The following CSPG4 variants were observed in gnomAD, a reference collection of about 807,000 sequenced individuals.
The protein encoded by CSPG4 is chondroitin sulfate proteoglycan 4, also known as chondroitin sulfate proteoglycan 4 (melanoma-associated).
CSPG4 carries 74 observed loss-of-function variants against 139.3 expected under a neutral mutation model. That is an observed-to-expected ratio of 0.53 (90% CI 0.44 to 0.64). The LOEUF is 0.64. Ranked by LOEUF, CSPG4 falls within the 30% of genes least tolerant of loss-of-function variation. CSPG4 has a pLI of 0.00. For synonymous variants in CSPG4, 1,234 were observed against 1,394.2 expected (o/e 0.89, Z 2.56); for missense variants, 2,565 against 3,148.3 (o/e 0.81, Z 4.43).
At position 75,676,650 on chromosome 15, in the gene CSPG4, C is replaced by A; in HGVS notation, c.5869G>T (p.Gly1957Trp). The change falls in exon 10 of 10, where the codon GGG becomes TGG. Residue 1957 changes from glycine (G) to tryptophan (W), a missense_variant. This residue lies in a region of CSPG4 where 2,316 missense variants were observed against 2,818.2 expected (regional missense o/e 0.82). Coordinates refer to ENST00000308508, the MANE Select transcript of CSPG4 (RefSeq NM_001897.5). ...TGCTGCTGGCTCAGTGAGGAGCGCC[C>A]CAAAGCTTGGGGCACCTCCAGGGGT... ...RAPLEVPQAL[G>W]RSSLSQQQLR... The A allele has an allele frequency of 6.3e-7, 1 of 1,599,770 alleles. No homozygotes were observed. Among genetic ancestry groups the A allele is most frequent in the Non-Finnish European group, 8.5e-7 (1 of 1,172,184 alleles).
At chr15:75,711,686 C>A (rs1335552911) in intron 1 of CSPG4, among the ~76,000 whole-genome samples, 1 of 152,230 alleles carries the variant, frequency 6.6e-6, no homozygotes, top group African/African-American at 2.4e-5. Flanking sequence ...GAGGCTCAGG[C>A]CCTGCCTTTG....
At chr15:75,699,813 C>T (rs1278846368) in intron 1 of CSPG4, among the ~76,000 whole-genome samples, 4 of 152,106 alleles carry the variant, frequency 2.6e-5, no homozygotes, top group Non-Finnish European at 4.4e-5. Context: ...CGGTGGGGAG[C>T]GGTTCCAAGA....
intron 5 of CSPG4, among the ~76,000 whole-genome samples, chr15:75,683,929 C>T (rs977268186): frequency 3.9e-5 from 6 of 152,168 alleles, no homozygotes; most frequent in South Asian, 2.1e-4. Flanking sequence ...GCCACACAGC[C>T]GTCCTGGCCT....
intron 3 of CSPG4, 124 bp from the exon 4 acceptor site, chr15:75,685,825 G>A: frequency 9.5e-7 from 1 of 1,050,774 alleles, no homozygotes; most frequent in Non-Finnish European, 1.3e-6. Context: ...AGATACCACT[G>A]CTCATTTAGA....
Position 75,682,724 on chromosome 15 carries a change from A to T in CSPG4, c.4666T>A (p.Phe1556Ile). 1.2e-6 allele frequency: 2 copies of T among 1,612,924 alleles called. No homozygotes were observed. The highest frequency in any genetic ancestry group is 1.7e-6 in the Non-Finnish European group (2 of 1,180,004). ...TCGCCGTCAGAGAGGCGGAAGCGGAAGCCTCCATCCAGGGTTCCTGGGGAC... is the reference window on the plus strand; with the variant it reads ...TCGCCGTCAGAGAGGCGGAAGCGGATGCCTCCATCCAGGGTTCCTGGGGAC... ...FSHRGTLDGG[F>I]RFRLSDGEHT... The change falls in exon 7 of 10, where the codon TTC (phenylalanine) becomes ATC (isoleucine). Residue 1556 changes from phenylalanine to isoleucine, a missense_variant. Around this residue, in one of 5 missense-constraint regions of CSPG4, gnomAD observed 2,316 missense variants for 2,818.2 expected, o/e 0.82. Transcript: ENST00000308508.
chr15:75,677,580 C>G, intron 9 of CSPG4, 123 bp downstream of exon 9: 2 of 1,274,226 alleles, frequency 1.6e-6, no homozygotes, highest in South Asian at 3.0e-5. Flanking sequence ...ACTCACCCTC[C>G]CTGTGACTTC....
In CSPG4 at chr15:75,683,055, C is replaced by T; in HGVS notation, c.4450-14G>A. The T allele has an allele frequency of 6.2e-7, 1 of 1,606,610 alleles. No homozygotes were observed. The highest frequency in any genetic ancestry group is 8.5e-7 in the Non-Finnish European group (1 of 1,178,758). On this transcript the variant is annotated splice_polypyrimidine_tract_variant and intron_variant, in intron 5 of 9. Transcript: ENST00000308508. ...CCCCTCCCACATCTGGGAACACAGGCCTGTGAAGGTTCTGCCTTGCCGCAC... is the reference window on the plus strand; with the variant it reads ...CCCCTCCCACATCTGGGAACACAGGTCTGTGAAGGTTCTGCCTTGCCGCAC...
intron 2 of CSPG4, 105 bp from the exon 3 acceptor site, chr15:75,690,917 G>C: frequency 3.1e-6 from 4 of 1,290,672 alleles, no homozygotes; most frequent in South Asian, 2.9e-5. Context: ...GCTCATGCCT[G>C]TAATCCTAGC....
At position 75,689,011 on chromosome 15, in the gene CSPG4, T is replaced by G. The variant is rs146383357; in HGVS notation, c.2054A>C (p.Asn685Thr). The change falls in exon 3 of 10, where the codon AAC becomes ACC. Residue 685 changes from asparagine (N) to threonine (T), a missense_variant. Asn to Thr is a moderately conservative substitution (Grantham distance 65). Around this residue, in one of 5 missense-constraint regions of CSPG4, gnomAD observed 2,316 missense variants for 2,818.2 expected, o/e 0.82. Transcript: ENST00000308508. ...QGSAMPILPA[N>T]LSVETNAVGQ... Reference sequence around the variant, plus strand: ...CACGGCATTGGTCTCCACCGACAGGTTGGCGGGCAAGATGGGCATGGCAGA... The same window carrying G: ...CACGGCATTGGTCTCCACCGACAGGGTGGCGGGCAAGATGGGCATGGCAGA... The G allele has an allele frequency of 9.0e-5, 145 of 1,612,052 alleles. No individual in the cohort carries two copies. In the African/African-American group the frequency reaches 1.6e-3, roughly 18 times the overall value.
At chr15:75,710,675 G>A (rs954569185) in intron 1 of CSPG4, among the ~76,000 whole-genome samples, 3 of 152,126 alleles carry the variant, frequency 2.0e-5, no homozygotes, top group African/African-American at 7.2e-5. Context: ...CGCCTCATTC[G>A]GATACGGGAG....
chr15:75,694,268 C>G (rs1894199423), intron 1 of CSPG4, among the ~76,000 whole-genome samples: 1 of 152,252 alleles, frequency 6.6e-6, no homozygotes, highest in Non-Finnish European at 1.5e-5. Flanking sequence ...GACTCCTCCT[C>G]TTTTGAATTG....
chr15:75,685,870 A>C (rs567669395), intron 3 of CSPG4, among the ~76,000 whole-genome samples, 169 bp from the exon 4 acceptor site: 4 of 152,264 alleles, frequency 2.6e-5, no homozygotes, highest in East Asian at 3.9e-4. Flanking sequence ...CACACACAGC[A>C]GCCAGACATG....
chr15:75,689,112 CG>C lies in CSPG4; in HGVS notation c.1952del (p.Pro651ArgfsTer4). On this transcript the variant is annotated frameshift_variant, in exon 3 of 10. Transcript: ENST00000308508. LOFTEE classifies it high-confidence loss of function. ...RVSDGLQASP[P>X]ATLKVVAIRP... ...GGATGGCCACCACCTTCAGCGTGGCCGGGGGGCTGGCCTGCAGTCCATCGCT... is the reference window on the plus strand; with the variant it reads ...GGATGGCCACCACCTTCAGCGTGGCCGGGGGCTGGCCTGCAGTCCATCGCT... The C allele has an allele frequency of 1.2e-6, 2 of 1,602,382 alleles. No individual in the cohort carries two copies. Among genetic ancestry groups the C allele is most frequent in the Non-Finnish European group, 1.7e-6 (2 of 1,174,668 alleles).
intron 1 of CSPG4, among the ~76,000 whole-genome samples, chr15:75,712,372 G>A (rs1445256423): frequency 6.6e-6 from 1 of 152,208 alleles, no homozygotes; most frequent in Non-Finnish European, 1.5e-5. Context: ...CCCCACTGGT[G>A]TCTCAGACAA....
intron 1 of CSPG4, 36 bp downstream of exon 1, chr15:75,712,632 G>A (rs1298043598): frequency 4.6e-6 from 7 of 1,536,388 alleles, no homozygotes; most frequent in South Asian, 2.4e-5. Flanking sequence ...CTCTAGTTCC[G>A]CCAGGCTGGG....
chr15:75,676,966 G>T lies in CSPG4; in HGVS notation c.5553C>A (p.Ile1851=). The change falls in exon 10 of 10, where the codon ATC becomes ATA. Residue 1851 remains isoleucine, a synonymous_variant. Coordinates refer to ENST00000308508, the MANE Select transcript of CSPG4 (RefSeq NM_001897.5). The part of the protein sequence containing the change: ...LRLTRGSRAP[I]SRAQLSVVDP... ...CCACCACACTCAGCTGGGCCCGGGA[G>T]ATGGGGGCACGAGAGCCTCGGGTGA... is the stretch of plus-strand genomic sequence containing the variant. The T allele has an allele frequency of 2.0e-6, 3 of 1,499,286 alleles. No homozygotes were observed. Among genetic ancestry groups the T allele is most frequent in the Non-Finnish European group, 2.7e-6 (3 of 1,119,438 alleles). 92.9% of individuals were successfully genotyped at this position (1,499,286 alleles called of 1,614,324 possible).
At chr15:75,682,171 G>A in intron 8 of CSPG4, 122 bp downstream of exon 8, 2 of 1,277,824 alleles carry the variant, frequency 1.6e-6, no homozygotes, top group Non-Finnish European at 2.2e-6. Context: ...ACAATGGCAG[G>A]CCCGGGAACG....
In CSPG4 at chr15:75,676,900, C is replaced by T. The variant is rs752804176; in HGVS notation, c.5619G>A (p.Gln1873=). The part of the protein sequence containing the change: ...SAPGEIEYEV[Q]RAPHNGFLSL... ...TGAGGAAGCCGTTGTGGGGTGCCCG[C>T]TGGACCTCGTACTCAATCTCCCCAG... The change falls in exon 10 of 10, where the codon CAG becomes CAA. Residue 1873 remains glutamine (Q), a synonymous_variant. Transcript: ENST00000308508. 2.5e-6 allele frequency: 4 copies of T among 1,582,706 alleles called. No individual in the cohort carries two copies. The highest frequency in any genetic ancestry group is 3.4e-6 in the Non-Finnish European group (4 of 1,165,434).
chr15:75,712,186 A>G (rs369495999), intron 1 of CSPG4, among the ~76,000 whole-genome samples: 4 of 143,440 alleles, frequency 2.8e-5, no homozygotes, highest in East Asian at 2.0e-4. Flanking sequence ...GGTGCTCCTC[A>G]CAGGGGAGGG....
Sources: allele counts gnomAD v4.1 joint callset (sites outside exome capture counted in the v4.1 genomes callset), GRCh38; gene constraint gnomAD v4.1.1; regional missense constraint gnomAD v4.1.1; transcripts MANE v1.5; gene names NCBI Gene and HGNC (gene_info 2026-07-23, HGNC 2026-07-21).